Variants in AUTS2 observed in about 807,000 individuals in gnomAD.
AUTS2 encodes the protein activator of transcription and developmental regulator AUTS2.
In AUTS2, 17 loss-of-function variants were observed where a neutral mutation model predicts 112.4. The ratio of observed to expected loss-of-function variants is 0.15; its 90% CI spans 0.10 to 0.23. AUTS2 has a LOEUF of 0.23. AUTS2 is among the 10% of genes least tolerant of loss of function. The pLI, the probability that AUTS2 is intolerant of heterozygous loss-of-function variation, is 1.00. For synonymous variants in AUTS2, 751 were observed against 702.7 expected, an observed-to-expected ratio of 1.07 and a Z score of -1.09; for missense variants, 1,510 against 1,701.6, an observed-to-expected ratio of 0.89 and a Z score of 1.98.
At position 70,247,961 on chromosome 7, in the gene AUTS2, A is replaced by G. The variant is rs191427793; in HGVS notation, c.660+113390A>G. ...AATTTTTATCATGAATGACTGTCAGATGATTTATTGAAATGATGATGTGAT... is the reference window on the plus strand; with the variant it reads ...AATTTTTATCATGAATGACTGTCAGGTGATTTATTGAAATGATGATGTGAT... On this transcript the variant is annotated intron_variant, in intron 4 of 18. Coordinates refer to ENST00000342771, the MANE Select transcript of AUTS2 (RefSeq NM_015570.4). Among the ~76,000 whole-genome samples, 17 of 152,260 alleles carry G rather than the reference A, an allele frequency of 1.1e-4. No homozygotes were observed. The East Asian group carries it at 2.9e-3, about 26-fold the overall frequency.
chr7:70,011,907 T>C (rs1465193443), intron 2 of AUTS2, among the ~76,000 whole-genome samples: 1 of 152,112 alleles, frequency 6.6e-6, no homozygotes, highest in Non-Finnish European at 1.5e-5. Flanking sequence ...TTCACTGTCA[T>C]GTGTCCTGGG....
chr7:70,700,316 T>G (rs1476943556), intron 6 of AUTS2, among the ~76,000 whole-genome samples: 2 of 152,230 alleles, frequency 1.3e-5, no homozygotes, highest in Non-Finnish European at 2.9e-5. Flanking sequence ...CTTGAAAGGA[T>G]TAAGGTTTCT....
intron 1 of AUTS2, among the ~76,000 whole-genome samples, chr7:69,785,590 T>C (rs11772602): frequency 0.1 from 15,210 of 152,294 alleles, 1,219 homozygotes; most frequent in African/African-American, 0.22. Context: ...ACTCAGGGGC[T>C]GTTTGACCAC....
At chr7:70,277,100 T>G (rs13225615) in intron 4 of AUTS2, among the ~76,000 whole-genome samples, 3,066 of 152,294 alleles carry the variant, frequency 0.02, 55 homozygotes, top group Non-Finnish European at 0.027. Flanking sequence ...AGTTGAGAGC[T>G]TTGTAGGTCA....
intron 4 of AUTS2, among the ~76,000 whole-genome samples, chr7:70,240,254 A>G (rs1277967615): frequency 6.6e-6 from 1 of 152,218 alleles, no homozygotes; most frequent in Non-Finnish European, 1.5e-5. Context: ...TAACCTGGTA[A>G]CTAGTAGCTT....
intron 1 of AUTS2, among the ~76,000 whole-genome samples, chr7:69,800,591 CAT>C (rs1228439760): frequency 6.6e-6 from 1 of 152,202 alleles, no homozygotes; most frequent in Non-Finnish European, 1.5e-5. Flanking sequence ...TTCCACTAGC[CAT>C]AGTTTATTGG....
At chr7:70,636,160 G>C (rs1805524355) in intron 5 of AUTS2, among the ~76,000 whole-genome samples, 1 of 152,206 alleles carries the variant, frequency 6.6e-6, no homozygotes, top group South Asian at 2.1e-4. Flanking sequence ...ATTGCAGAGA[G>C]GCATGGATGA....
At chr7:69,681,068 A>C (rs990260780) in intron 1 of AUTS2, among the ~76,000 whole-genome samples, 1 of 152,258 alleles carries the variant, frequency 6.6e-6, no homozygotes, top group African/African-American at 2.4e-5. Context: ...TTCAAAGTTC[A>C]TGTACCATAT....
intron 5 of AUTS2, among the ~76,000 whole-genome samples, chr7:70,491,412 G>T (rs1319669154): frequency 1.7e-5 from 2 of 118,582 alleles, no homozygotes; most frequent in Non-Finnish European, 3.4e-5. Context: ...GTGTGTGCGT[G>T]TGTGTATACA....
chr7:70,498,109 A>G (rs1798628616), intron 5 of AUTS2, among the ~76,000 whole-genome samples: 1 of 152,298 alleles, frequency 6.6e-6, no homozygotes, highest in South Asian at 2.1e-4. Context: ...GAGGGGTGAC[A>G]TTGGAACAAA....
At chr7:69,888,571 A>ATATATATG (rs1183383287) in intron 1 of AUTS2, among the ~76,000 whole-genome samples, 1 of 137,914 alleles carries the variant, frequency 7.3e-6, no homozygotes, top group East Asian at 2.1e-4. Flanking sequence ...ATATATATAT[A>ATATATATG]TGTATGGTTT....
intron 2 of AUTS2, among the ~76,000 whole-genome samples, chr7:70,040,852 A>G (rs763665393): frequency 3.3e-5 from 5 of 152,176 alleles, no homozygotes; most frequent in Non-Finnish European, 7.3e-5. Flanking sequence ...CTCAGCTGTT[A>G]AATGTCTGTG....
chr7:70,616,455 C>T (rs1248773933), intron 5 of AUTS2, among the ~76,000 whole-genome samples: 2 of 152,190 alleles, frequency 1.3e-5, no homozygotes, highest in African/African-American at 4.8e-5. Context: ...GCTGACGGGG[C>T]TGATGCAGCT....
At position 70,793,185 on chromosome 7, in the gene AUTS2, G is replaced by A. The variant is rs915426398; in HGVS notation, c.*2189G>A. On this transcript the variant is annotated 3_prime_UTR_variant, in exon 19 of 19. Coordinates refer to ENST00000342771, the MANE Select transcript of AUTS2 (RefSeq NM_015570.4). ...TAGACGTGTGTACAGTGTGGGCCAC[G>A]TTAGCCAGTTGTTTGTGCCTGGCTA... The A allele has an allele frequency of 4.0e-5, 6 of 151,684 alleles. No individual in the cohort carries two copies. The highest frequency in any genetic ancestry group is 1.2e-4 in the African/African-American group (5 of 41,334). 9.4% of individuals were successfully genotyped at this position (151,684 alleles called of 1,614,324 possible).
chr7:70,711,999 T>C (rs1174401509), intron 6 of AUTS2, among the ~76,000 whole-genome samples: 1 of 150,220 alleles, frequency 6.7e-6, no homozygotes, highest in African/African-American at 2.4e-5. Context: ...ATTTTCACTC[T>C]GTTCCCTCCA....
intron 5 of AUTS2, among the ~76,000 whole-genome samples, chr7:70,460,080 G>T (rs899958424): frequency 3.3e-5 from 5 of 152,238 alleles, no homozygotes; most frequent in African/African-American, 9.6e-5. Flanking sequence ...TTTCCATACC[G>T]TATAGAGGAG....
intron 2 of AUTS2, among the ~76,000 whole-genome samples, chr7:69,976,455 G>T (rs1322658739): frequency 6.6e-6 from 1 of 152,156 alleles, no homozygotes; most frequent in African/African-American, 2.4e-5. Context: ...GATGCTATAA[G>T]ACCCTGCTTT....
At chr7:69,901,024 C>T (rs951690587) in intron 2 of AUTS2, among the ~76,000 whole-genome samples, 2 of 152,136 alleles carry the variant, frequency 1.3e-5, no homozygotes, top group African/African-American at 4.8e-5. Context: ...TTGTCTGAGG[C>T]CTTGTCAATG....
chr7:70,136,424 G>A (rs1806566388), intron 4 of AUTS2, among the ~76,000 whole-genome samples: 1 of 152,114 alleles, frequency 6.6e-6, no homozygotes, highest in Non-Finnish European at 1.5e-5. Flanking sequence ...TGATATTGTT[G>A]CCCAGTCCTC....
Sources: gnomAD v4.1 joint callset for allele counts (sites outside exome capture counted in the v4.1 genomes callset) on GRCh38, gnomAD v4.1.1 for gene constraint, MANE v1.5 for transcripts, NCBI Gene and HGNC (gene_info 2026-07-23, HGNC 2026-07-21) for gene names.